CEP290: variants seen among roughly 807,000 people sequenced by gnomAD.
The protein encoded by CEP290 is centrosomal protein 290, also known as centrosomal protein of 290 kDa.
Under a neutral mutation model 344.9 loss-of-function variants are expected in CEP290, and 317 were observed. That is an observed-to-expected ratio of 0.92 (90% CI 0.84 to 1.01). The LOEUF (loss-of-function observed/expected upper bound fraction) is 1.01. CEP290 is among the 50% of genes least tolerant of loss of function. CEP290 has a pLI of 0.00. For missense variants in CEP290, 2,754 were observed against 2,761.4 expected, an observed-to-expected ratio of 1.00 and a Z score of 0.06; for synonymous variants, 932 against 895.8, an observed-to-expected ratio of 1.04 and a Z score of -0.72.
chr12:88,115,822 A>T (rs1227405745), intron 18 of CEP290: 2 of 984,432 alleles, frequency 2.0e-6, no homozygotes, highest in East Asian at 2.3e-4. Context: ...TTTTCAAGAG[A>T]ATTTATCTGA....
chr12:88,101,483 A>G (rs1467431935), intron 26 of CEP290, among the ~76,000 whole-genome samples: 2 of 145,250 alleles, frequency 1.4e-5, no homozygotes, highest in East Asian at 2.0e-4. Flanking sequence ...TCTGCCTCAA[A>G]AAAAAAAAAA....
chr12:88,126,355 C>A lies in CEP290; in HGVS notation c.1026G>T (p.Gln342His). The A allele has an allele frequency of 6.7e-7, 1 of 1,502,744 alleles. No individual in the cohort carries two copies. Among genetic ancestry groups the A allele is most frequent in the Non-Finnish European group, 8.8e-7 (1 of 1,130,428 alleles). 93.1% of individuals were successfully genotyped at this position (1,502,744 alleles called of 1,614,324 possible). Residue 342 changes from glutamine to histidine, a missense_variant, in exon 12 of 54, where the codon CAG (glutamine) becomes CAT (histidine). Transcript: ENST00000552810. ...TAACATTACTTTTATCAGCATCAAG[C>A]TGAGCATTCTTAAGTTTCTCCCTTA... ...HNLREKLKNA[Q>H]LDADKSNVMA... is the part of the protein sequence containing the mutation.
rs773459272 is a variant in CEP290, at chr12:88,062,714, C to T, written c.6335G>A (p.Arg2112Gln). Reference protein sequence around the residue: ...FLKKEKAEVQRKLGHVRGSGR... With the variant: ...FLKKEKAEVQQKLGHVRGSGR... The stretch of plus-strand genomic sequence containing the variant: ...TACCCCTCTAACATGGCCAAGTTTC[C>T]GCTGAACTTCTGCTTTTTCTTTCTT... Residue 2112 changes from arginine (R) to glutamine (Q), a missense_variant, in exon 46 of 54, where the codon CGG becomes CAG. Arg to Gln is a conservative substitution (Grantham distance 43, BLOSUM62 1). Coordinates refer to ENST00000552810, the MANE Select transcript of CEP290 (RefSeq NM_025114.4). 63 of 1,603,668 alleles carry T rather than the reference C, an allele frequency of 3.9e-5. No homozygotes were observed. Among genetic ancestry groups the T allele is most frequent in the South Asian group, 3.3e-4 (29 of 88,986 alleles).
intron 26 of CEP290, among the ~76,000 whole-genome samples, chr12:88,097,866 T>A (rs2037554362): frequency 6.6e-6 from 1 of 152,248 alleles, no homozygotes; most frequent in South Asian, 2.1e-4. Flanking sequence ...CAGATGATGA[T>A]GTTTACAGTG....
chr12:88,078,596 T>C (rs541782116), intron 39 of CEP290, among the ~76,000 whole-genome samples: 2 of 152,200 alleles, frequency 1.3e-5, no homozygotes, highest in South Asian at 4.1e-4. Flanking sequence ...TAATGATGGA[T>C]ACATATCATT....
chr12:88,139,793 T>C (rs2040543342), intron 3 of CEP290, among the ~76,000 whole-genome samples: 1 of 152,202 alleles, frequency 6.6e-6, no homozygotes, highest in Non-Finnish European at 1.5e-5. Context: ...AGTGGCACAA[T>C]CTCAGCTCAC....
rs2137799849 is a variant in CEP290 at position 88,115,349 on chromosome 12, G to A, written c.1825-167C>T. On this transcript the variant is annotated intron_variant, in intron 18 of 53. Coordinates refer to ENST00000552810, the MANE Select transcript of CEP290 (RefSeq NM_025114.4). ...ATAAAAATAAACTAAAATCTAAACA[G>A]TAAAGCAGATGGTGATCTTAATCCC... 4 of 680,830 alleles carry A rather than the reference G, an allele frequency of 5.9e-6. 1 individual carries two copies. In the South Asian group the frequency reaches 7.4e-5, roughly 13 times the overall value. 42.2% of individuals were successfully genotyped at this position (680,830 alleles called of 1,614,324 possible). A position where few individuals can be genotyped will look rare whatever the true frequency, so the allele number is the denominator to read the frequency against.
intron 40 of CEP290, 82 bp downstream of exon 40, chr12:88,077,615 C>A: frequency 1.1e-6 from 1 of 871,482 alleles, no homozygotes; most frequent in East Asian, 2.7e-5. Context: ...TAACAAATAC[C>A]ATAGATAAAA....
At chr12:88,099,872 T>G (rs1592562527) in intron 26 of CEP290, among the ~76,000 whole-genome samples, 2 of 152,018 alleles carry the variant, frequency 1.3e-5, no homozygotes, top group East Asian at 3.9e-4. Flanking sequence ...CCACCTACCC[T>G]GATATTTTGC....
Position 88,093,975 on chromosome 12 carries a change from C to A in CEP290, c.3104G>T (p.Gly1035Val). Residue 1035 changes from glycine (G) to valine (V), a missense_variant and splice_region_variant, in exon 28 of 54, where the codon GGT becomes GTT. Gly to Val is a moderately radical substitution (Grantham distance 109). Coordinates refer to ENST00000552810, the MANE Select transcript of CEP290 (RefSeq NM_025114.4). ...EQAWEQETKL[G>V]NESSMDKAKK... The stretch of plus-strand genomic sequence containing the variant: ...TGCCTTATCCATGCTAGATTCATTA[C>A]CTACATGCAATAATATTTAAGTCAA... 6.3e-7 allele frequency: 1 copy of A among 1,591,466 alleles called. No individual in the cohort carries two copies. Among genetic ancestry groups the A allele is most frequent in the Non-Finnish European group, 8.6e-7 (1 of 1,169,472 alleles).
At chr12:88,126,235 G>T in intron 12 of CEP290, 81 bp downstream of exon 12, 2 of 1,180,412 alleles carry the variant, frequency 1.7e-6, no homozygotes, top group Non-Finnish European at 2.2e-6. Context: ...AGGCACTGAT[G>T]ATATAATAAA....
chr12:88,081,397 CAA>C (rs2036190562), intron 37 of CEP290, among the ~76,000 whole-genome samples: 1 of 152,136 alleles, frequency 6.6e-6, no homozygotes, highest in Non-Finnish European at 1.5e-5. Context: ...TGGATACTAT[CAA>C]AAGATTTAGT....
rs1209334887 is a variant in CEP290 at position 88,054,332 on chromosome 12, T to G, written c.7034+8A>C. Reference sequence around the variant, plus strand: ...AAAACAAAGTAGTCATATGAATACATGATGTACCTAAGAACTTGAAGCTCC... The same window carrying G: ...AAAACAAAGTAGTCATATGAATACAGGATGTACCTAAGAACTTGAAGCTCC... On this transcript the variant is annotated splice_region_variant and intron_variant, in intron 51 of 53. Transcript: ENST00000552810. The G allele has an allele frequency of 1.3e-6, 2 of 1,578,310 alleles. No homozygotes were observed. The highest frequency in any genetic ancestry group is 2.7e-5 in the African/African-American group (2 of 73,482).
chr12:88,115,217 T>C lies in CEP290; in HGVS notation c.1825-35A>G, dbSNP rs762825745. On this transcript the variant is annotated intron_variant, in intron 18 of 53. Transcript: ENST00000552810. Reference sequence around the variant, plus strand: ...GCAGAGAGAATAAAATTGATTTTTTTCAACAAAATATCACAAGTCTATAAT... The same window carrying C: ...GCAGAGAGAATAAAATTGATTTTTTCCAACAAAATATCACAAGTCTATAAT... 9.6e-5 allele frequency: 105 copies of C among 1,095,640 alleles called. 2 individuals carry two copies. The East Asian group carries it at 2.6e-3, about 28-fold the overall frequency. 67.9% of individuals were successfully genotyped at this position (1,095,640 alleles called of 1,614,324 possible). A position where few individuals can be genotyped will look rare whatever the true frequency, so the allele number is the denominator to read the frequency against.
intron 43 of CEP290, among the ~76,000 whole-genome samples, chr12:88,070,256 G>T (rs2035269272): frequency 6.6e-6 from 1 of 152,146 alleles, no homozygotes; most frequent in Non-Finnish European, 1.5e-5. Flanking sequence ...GTAGAAGGCA[G>T]ATTACAATAG....
At chr12:88,129,951 C>T (rs1489486921) in intron 9 of CEP290, 75 bp from the exon 10 acceptor site, 12 of 974,854 alleles carry the variant, frequency 1.2e-5, no homozygotes, top group Non-Finnish European at 1.7e-5. Context: ...TAAAATTAAA[C>T]GCAGCCATAA....
At position 88,086,442 on chromosome 12, in the gene CEP290, T is replaced by A. The variant is rs775279240; in HGVS notation, c.4251A>T (p.Gln1417His). 1.9e-6 allele frequency: 3 copies of A among 1,600,790 alleles called. No individual in the cohort carries two copies. In the South Asian group the frequency reaches 3.4e-5, roughly 18 times the overall value. The change falls in exon 33 of 54, where the codon CAA becomes CAT. Residue 1417 changes from glutamine (Q) to histidine (H), a missense_variant. Physicochemically the swap from Gln to His is conservative, Grantham distance 24. Coordinates refer to ENST00000552810, the MANE Select transcript of CEP290 (RefSeq NM_025114.4). ...WDQREVDLER[Q>H]LDIFDRQQNE... is the part of the protein sequence containing the mutation. The stretch of plus-strand genomic sequence containing the variant: ...TTTGCTGACGGTCAAAAATGTCTAG[T>A]TGGCGTTCCAGGTCAACTTCTCTTT...
intron 17 of CEP290, 145 bp downstream of exon 17, chr12:88,118,338 C>T: frequency 1.5e-6 from 1 of 648,486 alleles, no homozygotes; most frequent in Non-Finnish European, 2.6e-6. Context: ...ACTCACTTAT[C>T]TCCTTCAGGT....
Position 88,139,813 on chromosome 12 carries a change from C to T in CEP290, c.181-249G>A, listed in dbSNP as rs116692715. 0.014 allele frequency among the ~76,000 whole-genome samples: 2,097 copies of T among 152,282 alleles called. 56 individuals carry two copies. The highest frequency in any genetic ancestry group is 0.049 in the African/African-American group (2,017 of 41,560). On this transcript the variant is annotated intron_variant, in intron 3 of 53. Coordinates refer to ENST00000552810, the MANE Select transcript of CEP290 (RefSeq NM_025114.4). ...CACAATCTCAGCTCACTGCAACCTC[C>T]TGCCTCCTGGGCTCAAGCAATCTTC...
Sources: gnomAD v4.1 joint callset for allele counts (sites outside exome capture counted in the v4.1 genomes callset) on GRCh38, gnomAD v4.1.1 for gene constraint, MANE v1.5 for transcripts, NCBI Gene and HGNC (gene_info 2026-07-23, HGNC 2026-07-21) for gene names.